The following KCNH8 variants were observed in gnomAD, a reference collection of about 807,000 sequenced individuals.
KCNH8 encodes the protein voltage-gated delayed rectifier potassium channel KCNH8.
Under a neutral mutation model 103.6 loss-of-function variants are expected in KCNH8, and 70 were observed. The observed-to-expected ratio is 0.68, with a 90% CI of 0.56 to 0.82. The LOEUF is 0.82. Ranked by LOEUF, KCNH8 falls within the 40% of genes least tolerant of loss-of-function variation. The pLI, the probability that KCNH8 is intolerant of heterozygous loss-of-function variation, is 0.00. For missense variants in KCNH8, 1,217 were observed against 1,329.9 expected (o/e 0.92, Z 1.32); for synonymous variants, 498 against 489.4 (o/e 1.02, Z -0.23).
intron 8 of KCNH8, among the ~76,000 whole-genome samples, chr3:19,447,841 T>G (rs2067385226): frequency 1.3e-5 from 2 of 152,076 alleles, no homozygotes. Flanking sequence ...TTACACGATA[T>G]ATATTTTTCG....
rs1242062952 is a variant in KCNH8, at chr3:19,342,527, G to A, written c.443-60G>A. ...GCTCTTGAAAGGGAACTGTCAAAATGACATTCTTGAGGTGAAATGATGCAT... is the reference window on the plus strand; with the variant it reads ...GCTCTTGAAAGGGAACTGTCAAAATAACATTCTTGAGGTGAAATGATGCAT... On this transcript the variant is annotated intron_variant, in intron 3 of 15. Transcript: ENST00000328405. 1.2e-5 allele frequency: 19 copies of A among 1,537,118 alleles called. No homozygotes were observed. The Admixed American group carries it at 3.6e-4, about 29-fold the overall frequency.
chr3:19,512,202 C>T (rs1255165040), intron 12 of KCNH8, among the ~76,000 whole-genome samples: 3 of 152,140 alleles, frequency 2.0e-5, no homozygotes, highest in Admixed American at 1.3e-4. Context: ...TTGCTGCGTT[C>T]ACTGCCCTGG....
In KCNH8 at chr3:19,347,702, C is replaced by T. The variant is rs771008855; in HGVS notation, c.571-23C>T. The stretch of plus-strand genomic sequence containing the variant: ...TTCTAATGTTGTGTTTCTCCTTTCT[C>T]TCCTTTTTGTCTTCATCCACAGAAT... On this transcript the variant is annotated intron_variant, in intron 4 of 15. Coordinates refer to ENST00000328405, the MANE Select transcript of KCNH8 (RefSeq NM_144633.3). The T allele has an allele frequency of 1.3e-5, 21 of 1,610,210 alleles. No individual in the cohort carries two copies. The Middle Eastern group carries it at 2.8e-3, about 215-fold the overall frequency.
At position 19,246,545 on chromosome 3, in the gene KCNH8, G is replaced by T. The variant is rs551861878; in HGVS notation, c.77-7109G>T. 6.6e-5 allele frequency among the ~76,000 whole-genome samples: 10 copies of T among 152,128 alleles called. No individual in the cohort carries two copies. The East Asian group carries it at 1.7e-3, about 26-fold the overall frequency. ...CTGACTCGGCCTCCCAAAGTGCTGG[G>T]ATTACAGGCGTGAGTCACCACGCCC... On this transcript the variant is annotated intron_variant, in intron 1 of 15. Coordinates refer to ENST00000328405, the MANE Select transcript of KCNH8 (RefSeq NM_144633.3).
chr3:19,174,556 G>T (rs2122381), intron 1 of KCNH8, among the ~76,000 whole-genome samples: 3,549 of 152,132 alleles, frequency 0.023, 134 homozygotes, highest in African/African-American at 0.079. Context: ...ATTAATTATA[G>T]TTTACATTCT....
At chr3:19,380,068 T>C (rs1015280280) in intron 5 of KCNH8, among the ~76,000 whole-genome samples, 1 of 152,144 alleles carries the variant, frequency 6.6e-6, no homozygotes, top group Non-Finnish European at 1.5e-5. Flanking sequence ...GAAGAATAAG[T>C]ACAGAGACAC....
intron 5 of KCNH8, among the ~76,000 whole-genome samples, chr3:19,365,799 A>C (rs1378873718): frequency 6.6e-6 from 1 of 152,076 alleles, no homozygotes; most frequent in Non-Finnish European, 1.5e-5. Flanking sequence ...AAAGCAAAGA[A>C]GGGGGAAGGA....
intron 11 of KCNH8, among the ~76,000 whole-genome samples, chr3:19,491,489 G>T (rs2068320109): frequency 6.6e-6 from 1 of 152,186 alleles, no homozygotes; most frequent in South Asian, 2.1e-4. Flanking sequence ...CATCCATGTT[G>T]CTGTGAAAGA....
At chr3:19,245,981 A>G (rs971872352) in intron 1 of KCNH8, among the ~76,000 whole-genome samples, 3 of 152,122 alleles carry the variant, frequency 2.0e-5, no homozygotes, top group Admixed American at 6.5e-5. Flanking sequence ...ACTCTAAGGG[A>G]CAATAAACCT....
chr3:19,291,872 G>A (rs1045186044), intron 3 of KCNH8, among the ~76,000 whole-genome samples: 3 of 152,042 alleles, frequency 2.0e-5, no homozygotes, highest in Admixed American at 2.0e-4. Flanking sequence ...ACCGGCATAG[G>A]GCTTCATTCT....
At chr3:19,398,689 T>C (rs1192430927) in intron 7 of KCNH8, among the ~76,000 whole-genome samples, 2 of 151,932 alleles carry the variant, frequency 1.3e-5, no homozygotes, top group Non-Finnish European at 2.9e-5. Context: ...ACAATAATAA[T>C]AGTGCCAACC....
chr3:19,457,122 G>T, intron 11 of KCNH8, 140 bp downstream of exon 11: 1 of 556,652 alleles, frequency 1.8e-6, no homozygotes. Context: ...CACCAGTTAA[G>T]CAATTAAATA....
At chr3:19,371,368 A>G (rs377740849) in intron 5 of KCNH8, among the ~76,000 whole-genome samples, 10 of 151,576 alleles carry the variant, frequency 6.6e-5, no homozygotes, top group East Asian at 1.9e-4. Context: ...CAGTGATGAT[A>G]AGCATTTTTT....
At chr3:19,225,234 C>T (rs1476020501) in intron 1 of KCNH8, among the ~76,000 whole-genome samples, 1 of 150,966 alleles carries the variant, frequency 6.6e-6, no homozygotes, top group South Asian at 2.1e-4. Flanking sequence ...TATGGACCCA[C>T]AAAAATCAGA....
chr3:19,519,899 A>T (rs1022937202), intron 15 of KCNH8, among the ~76,000 whole-genome samples: 2 of 151,886 alleles, frequency 1.3e-5, no homozygotes, highest in African/African-American at 4.8e-5. Context: ...TCTGAGAAAA[A>T]ATATCTATAT....
At position 19,213,694 on chromosome 3, in the gene KCNH8, T is replaced by C. The variant is rs369568799; in HGVS notation, c.77-39960T>C. ...AGCTCAGAATGCAGTCTTCAGCATATGCTCAGTGATAACGGAATTCCTTTA... is the reference window on the plus strand; with the variant it reads ...AGCTCAGAATGCAGTCTTCAGCATACGCTCAGTGATAACGGAATTCCTTTA... On this transcript the variant is annotated intron_variant, in intron 1 of 15. Transcript: ENST00000328405. Among the ~76,000 whole-genome samples the C allele has an allele frequency of 1.3e-4, 20 of 152,352 alleles. 2 individuals carry two copies. Among genetic ancestry groups the C allele is most frequent in the South Asian group, 1.0e-3 (5 of 4,830 alleles).
At chr3:19,278,553 G>A (rs2064710611) in intron 2 of KCNH8, among the ~76,000 whole-genome samples, 1 of 133,734 alleles carries the variant, frequency 7.5e-6, no homozygotes, top group African/African-American at 2.9e-5. Context: ...GAGGAAGGGA[G>A]GGAGGGAGGG....
At chr3:19,175,951 A>G (rs1173724054) in intron 1 of KCNH8, among the ~76,000 whole-genome samples, 6 of 152,182 alleles carry the variant, frequency 3.9e-5, no homozygotes, top group African/African-American at 1.2e-4. Flanking sequence ...TCAATTAATA[A>G]ATTTCCAGCA....
chr3:19,345,732 G>T (rs188763363), intron 4 of KCNH8, among the ~76,000 whole-genome samples: 7 of 151,920 alleles, frequency 4.6e-5, no homozygotes, highest in Non-Finnish European at 8.8e-5. Flanking sequence ...TTTCACTCAG[G>T]TGATTATGTA....
Sources: gnomAD v4.1 joint callset for allele counts (sites outside exome capture counted in the v4.1 genomes callset) on GRCh38, gnomAD v4.1.1 for gene constraint, MANE v1.5 for transcripts, NCBI Gene and HGNC (gene_info 2026-07-23, HGNC 2026-07-21) for gene names.